The following EFCAB11 variants were observed in gnomAD, a reference collection of about 807,000 sequenced individuals.
EFCAB11 encodes the protein EF-hand calcium-binding domain-containing protein 11.
Under a neutral mutation model 23.0 loss-of-function variants are expected in EFCAB11, and 14 were observed. That is an observed-to-expected ratio of 0.61 (90% confidence interval 0.40 to 0.95). The LOEUF (loss-of-function observed/expected upper bound fraction) is 0.95, where lower values mean the gene tolerates loss of function less well. Among genes scored for constraint, EFCAB11 ranks in the 40% least tolerant of loss-of-function variants. EFCAB11 has a pLI of 0.00. For synonymous variants in EFCAB11, 65 were observed against 66.6 expected (o/e 0.98, Z 0.11); for missense variants, 198 against 195.8 (o/e 1.01, Z -0.07).
intron 5 of EFCAB11, among the ~76,000 whole-genome samples, chr14:89,929,512 G>A (rs978311483): frequency 2.0e-5 from 3 of 152,106 alleles, no homozygotes; most frequent in Non-Finnish European, 2.9e-5. Context: ...TCAGCTTCCC[G>A]AGTAGCTGGG....
intron 5 of EFCAB11, among the ~76,000 whole-genome samples, chr14:89,798,772 C>G (rs1885663346): frequency 6.6e-6 from 1 of 152,044 alleles, no homozygotes; most frequent in Non-Finnish European, 1.5e-5. Context: ...CAGTAAACGA[C>G]CTCATTGTTA....
chr14:89,867,911 C>A (rs1566789998), intron 5 of EFCAB11, among the ~76,000 whole-genome samples: 1 of 152,086 alleles, frequency 6.6e-6, no homozygotes, highest in Non-Finnish European at 1.5e-5. Flanking sequence ...AAGAAAGTTC[C>A]CCCCGCTTTT....
chr14:89,859,167 C>T (rs1887845697), intron 5 of EFCAB11, among the ~76,000 whole-genome samples: 1 of 152,172 alleles, frequency 6.6e-6, no homozygotes, highest in African/African-American at 2.4e-5. Context: ...TTTATCAGAT[C>T]TGGTGGTTTG....
At chr14:89,899,311 A>G (rs1307380196) in intron 5 of EFCAB11, among the ~76,000 whole-genome samples, 1 of 152,258 alleles carries the variant, frequency 6.6e-6, no homozygotes, top group Non-Finnish European at 1.5e-5. Flanking sequence ...TGGCTAATAT[A>G]GAAAAAGAAA....
In EFCAB11 at chr14:89,820,141, C is replaced by A. The variant is rs374677481; in HGVS notation, c.411-22817G>T. On this transcript the variant is annotated intron_variant, in intron 5 of 5. Transcript: ENST00000316738. ...GCCTAGGATTACATAAGGCTAAAGA[C>A]TGGAAGAGGCTATAGAAAAACCTAA... Among the ~76,000 whole-genome samples, 25 of 152,234 alleles carry A rather than the reference C, an allele frequency of 1.6e-4. No individual in the cohort carries two copies. The South Asian group carries it at 1.9e-3, about 11-fold the overall frequency.
chr14:89,803,039 A>T (rs1885840043), intron 5 of EFCAB11, among the ~76,000 whole-genome samples: 1 of 152,102 alleles, frequency 6.6e-6, no homozygotes, highest in East Asian at 1.9e-4. Flanking sequence ...CCTGGCCTCC[A>T]CCTGCTAGAT....
At chr14:89,872,850 T>C (rs1189580532) in intron 5 of EFCAB11, among the ~76,000 whole-genome samples, 1 of 136,350 alleles carries the variant, frequency 7.3e-6, no homozygotes, top group Non-Finnish European at 1.5e-5. Context: ...TAAGAAGAGA[T>C]TAGGACACAC....
At chr14:89,922,615 T>C (rs961329930) in intron 5 of EFCAB11, among the ~76,000 whole-genome samples, 3 of 152,062 alleles carry the variant, frequency 2.0e-5, no homozygotes, top group African/African-American at 7.2e-5. Flanking sequence ...ATAATAGTAA[T>C]AAAAAGCCTG....
At chr14:89,834,537 C>T (rs543189790) in intron 5 of EFCAB11, among the ~76,000 whole-genome samples, 4 of 152,254 alleles carry the variant, frequency 2.6e-5, no homozygotes, top group South Asian at 2.1e-4. Context: ...GAAGGGAAGC[C>T]GCCTCCGGCA....
intron 5 of EFCAB11, among the ~76,000 whole-genome samples, chr14:89,835,216 C>T (rs942807061): frequency 5.9e-5 from 9 of 152,104 alleles, no homozygotes; most frequent in African/African-American, 1.2e-4. Flanking sequence ...GCAGGATGCC[C>T]GGAGGCAGAG....
intron 5 of EFCAB11, among the ~76,000 whole-genome samples, chr14:89,877,100 T>G (rs1434428012): frequency 6.6e-6 from 1 of 151,800 alleles, no homozygotes; most frequent in Non-Finnish European, 1.5e-5. Context: ...AGTGCAGTGG[T>G]GTGATCTCAG....
chr14:89,924,635 T>G, intron 5 of EFCAB11: 1 of 1,535,664 alleles, frequency 6.5e-7, no homozygotes, highest in Non-Finnish European at 8.7e-7. Context: ...TTAAGTCAGC[T>G]TCCTGATGAC....
chr14:89,845,105 T>C (rs1016733796), intron 5 of EFCAB11, among the ~76,000 whole-genome samples: 2 of 152,212 alleles, frequency 1.3e-5, no homozygotes, highest in East Asian at 1.9e-4. Context: ...CTCTTGCAAA[T>C]AGGGGTTAAA....
chr14:89,802,150 G>A (rs1885805449), intron 5 of EFCAB11, among the ~76,000 whole-genome samples: 1 of 149,186 alleles, frequency 6.7e-6, no homozygotes, highest in African/African-American at 2.5e-5. Flanking sequence ...AGTACCCCAT[G>A]TCTAAGTCTC....
At chr14:89,953,571 G>A (rs924870872) in intron 2 of EFCAB11, among the ~76,000 whole-genome samples, 1 of 152,282 alleles carries the variant, frequency 6.6e-6, no homozygotes, top group South Asian at 2.1e-4. Context: ...AAAGTAAAAC[G>A]AGAAAGAGAC....
intron 5 of EFCAB11, among the ~76,000 whole-genome samples, chr14:89,854,031 A>G (rs992443386): frequency 1.8e-4 from 27 of 152,328 alleles, no homozygotes; most frequent in African/African-American, 6.5e-4. Flanking sequence ...AGAGAGAGCA[A>G]GAGTGCCAGC....
intron 5 of EFCAB11, among the ~76,000 whole-genome samples, chr14:89,881,452 C>CATATATATATATATATATATACAT (rs10530483): frequency 6.4e-5 from 3 of 46,710 alleles, no homozygotes; most frequent in Non-Finnish European, 1.5e-4. Context: ...TATGACTTGG[C>CATATATATATATATATATATACAT]ATATATATAT....
chr14:89,916,229 C>G (rs760584910), intron 5 of EFCAB11, among the ~76,000 whole-genome samples: 126 of 151,684 alleles, frequency 8.3e-4, no homozygotes, highest in Non-Finnish European at 1.6e-3. Context: ...GTACATCTAG[C>G]TACTTGTGAT....
intron 5 of EFCAB11, chr14:89,891,983 C>T: frequency 2.7e-6 from 4 of 1,481,458 alleles, no homozygotes; most frequent in South Asian, 2.7e-5. Flanking sequence ...GCGGGTCAAG[C>T]TGCAGCTCTG....
Sources: allele counts gnomAD v4.1 joint callset (sites outside exome capture counted in the v4.1 genomes callset), GRCh38; gene constraint gnomAD v4.1.1; transcripts MANE v1.5; gene names NCBI Gene and HGNC (gene_info 2026-07-23, HGNC 2026-07-21).